Variants in TFDP2 observed in about 807,000 individuals in gnomAD.
The protein encoded by TFDP2 is transcription factor Dp-2 (E2F dimerization partner 2).
Under a neutral mutation model 59.3 loss-of-function variants are expected in TFDP2, and 17 were observed. The ratio of observed to expected loss-of-function variants is 0.29; its 90% CI spans 0.20 to 0.43. The LOEUF is 0.43. Ranked by LOEUF, TFDP2 falls within the 20% of genes least tolerant of loss-of-function variation. The pLI is 1.00. For synonymous variants in TFDP2, 180 were observed against 194.7 expected (o/e 0.92, Z 0.63); for missense variants, 391 against 528.8 (o/e 0.74, Z 2.56).
intron 3 of TFDP2, among the ~76,000 whole-genome samples, chr3:142,092,693 G>A (rs757574422): frequency 4.6e-5 from 7 of 152,210 alleles, no homozygotes; most frequent in East Asian, 3.9e-4. Context: ...ACATACACAC[G>A]TATATAAAAT....
intron 6 of TFDP2, among the ~76,000 whole-genome samples, chr3:141,986,192 C>T (rs77138849): frequency 0.074 from 11,323 of 152,250 alleles, 523 homozygotes; most frequent in Non-Finnish European, 0.11. Context: ...TTATGTAGTC[C>T]TGTCCCATCG....
intron 6 of TFDP2, 26 bp from the exon 7 acceptor site, chr3:141,978,708 C>T (rs530693532): frequency 5.2e-6 from 8 of 1,532,828 alleles, no homozygotes; most frequent in Non-Finnish European, 7.1e-6. Flanking sequence ...GTTTTTTTTA[C>T]TCCATTATAC....
chr3:142,017,545 ATTC>A (rs1384047867), intron 3 of TFDP2, among the ~76,000 whole-genome samples: 4 of 125,018 alleles, frequency 3.2e-5, no homozygotes, highest in South Asian at 2.5e-4. Context: ...ATGCAAAAAT[ATTC>A]TTTTTTTTTT....
At chr3:142,018,802 C>T (rs140317016) in intron 3 of TFDP2, among the ~76,000 whole-genome samples, 1 of 152,136 alleles carries the variant, frequency 6.6e-6, no homozygotes, top group African/African-American at 2.4e-5. Flanking sequence ...AGTATAGTAA[C>T]TCATTTTGGT....
intron 1 of TFDP2, among the ~76,000 whole-genome samples, chr3:142,138,545 T>A (rs1171740352): frequency 6.6e-6 from 1 of 152,202 alleles, no homozygotes; most frequent in Non-Finnish European, 1.5e-5. Flanking sequence ...TTTAAATGTG[T>A]CCCAGAGATT....
chr3:141,997,366 C>T (rs759510299), intron 4 of TFDP2, among the ~76,000 whole-genome samples: 24 of 152,132 alleles, frequency 1.6e-4, no homozygotes, highest in Non-Finnish European at 3.1e-4. Flanking sequence ...CTTGGATGGA[C>T]AACTTATAAA....
Position 141,995,078 on chromosome 3 carries a change from G to T in TFDP2, c.250C>A (p.Pro84Thr). ...GSVLIGSPYT[P>T]APAMVTQTHI... The stretch of plus-strand genomic sequence containing the variant: ...GTCTGAGTAACCATTGCTGGTGCAG[G>T]GGTATATGGACTCCCAATCAGAACA... Residue 84 changes from proline to threonine, a missense_variant, in exon 5 of 13, where the codon CCT (proline) becomes ACT (threonine). Transcript: ENST00000489671. The T allele has an allele frequency of 6.2e-7, 1 of 1,611,176 alleles. No homozygotes were observed. The highest frequency in any genetic ancestry group is 8.5e-7 in the Non-Finnish European group (1 of 1,178,424).
chr3:142,144,369 CAAA>C (rs574504532), intron 1 of TFDP2, among the ~76,000 whole-genome samples: 2 of 124,054 alleles, frequency 1.6e-5, no homozygotes, highest in Non-Finnish European at 1.7e-5. Flanking sequence ...GGCTCTGTCT[CAAA>C]AAAAAAAAAA....
intron 4 of TFDP2, among the ~76,000 whole-genome samples, chr3:141,999,535 G>T (rs777852885): frequency 6.6e-6 from 1 of 152,108 alleles, no homozygotes; most frequent in Non-Finnish European, 1.5e-5. Flanking sequence ...CCATAAGACA[G>T]CCTGTAAGAA....
chr3:141,968,431 T>TATA lies in TFDP2; in HGVS notation c.732+1641_732+1642insTAT, dbSNP rs1319249946. ...ATATATAACATATATATCTCATATA[T>TATA]AGATATATATAACATATATATCTCA... On this transcript the variant is annotated intron_variant, in intron 9 of 12. Coordinates refer to ENST00000489671, the MANE Select transcript of TFDP2 (RefSeq NM_001178139.2). 3.3e-3 allele frequency among the ~76,000 whole-genome samples: 288 copies of TATA among 86,822 alleles called. 42 individuals carry two copies. The highest frequency in any genetic ancestry group is 0.013 in the African/African-American group (271 of 20,080). 57.0% of individuals were successfully genotyped at this position (86,822 alleles called of 152,430 possible).
chr3:142,053,037 T>G (rs1379786836), intron 3 of TFDP2, among the ~76,000 whole-genome samples: 3 of 152,146 alleles, frequency 2.0e-5, no homozygotes, highest in African/African-American at 7.2e-5. Context: ...CTCGATCTCC[T>G]GGCCTCGTGA....
chr3:142,057,155 C>CA (rs2059774321), intron 3 of TFDP2, among the ~76,000 whole-genome samples: 1 of 152,180 alleles, frequency 6.6e-6, no homozygotes, highest in Non-Finnish European at 1.5e-5. Context: ...CTGGGACTGT[C>CA]AGTCATTTGT....
intron 3 of TFDP2, among the ~76,000 whole-genome samples, chr3:142,070,167 A>C (rs1019803701): frequency 2.6e-5 from 4 of 152,220 alleles, no homozygotes; most frequent in African/African-American, 9.6e-5. Flanking sequence ...TCGGCCTCCC[A>C]AAGTGCTGGG....
At chr3:142,007,389 G>C (rs1351828197) in intron 3 of TFDP2, among the ~76,000 whole-genome samples, 1 of 152,046 alleles carries the variant, frequency 6.6e-6, no homozygotes, top group Non-Finnish European at 1.5e-5. Flanking sequence ...ATGATCTTCA[G>C]ATCTTCACTC....
intron 8 of TFDP2, among the ~76,000 whole-genome samples, chr3:141,972,558 C>T (rs981839513): frequency 1.3e-5 from 2 of 152,196 alleles, no homozygotes; most frequent in African/African-American, 2.4e-5. Flanking sequence ...CCTGTCTCAG[C>T]CCATGTGGCA....
intron 1 of TFDP2, among the ~76,000 whole-genome samples, chr3:142,102,643 T>C (rs1171025442): frequency 1.3e-5 from 2 of 152,192 alleles, no homozygotes; most frequent in African/African-American, 4.8e-5. Context: ...AAATACCTAC[T>C]AATTCAAATT....
chr3:142,115,412 G>A (rs546727216), intron 1 of TFDP2, among the ~76,000 whole-genome samples: 3 of 149,392 alleles, frequency 2.0e-5, no homozygotes, highest in Admixed American at 6.7e-5. Context: ...TCCACCTCCC[G>A]GATTCACGCC....
chr3:142,005,261 A>G (rs1469066611), intron 4 of TFDP2, among the ~76,000 whole-genome samples, 180 bp downstream of exon 4: 1 of 151,598 alleles, frequency 6.6e-6, no homozygotes, highest in African/African-American at 2.4e-5. Context: ...CTGGTCTTGA[A>G]CTCCTGGGCT....
chr3:142,030,831 C>T (rs192238073), intron 3 of TFDP2, among the ~76,000 whole-genome samples: 6,007 of 150,048 alleles, frequency 0.04, 415 homozygotes, highest in African/African-American at 0.14. Context: ...CAAGCTCCGC[C>T]TCCCGGGTTC....
Sources: gnomAD v4.1 joint callset for allele counts (sites outside exome capture counted in the v4.1 genomes callset) on GRCh38, gnomAD v4.1.1 for gene constraint, MANE v1.5 for transcripts, NCBI Gene and HGNC (gene_info 2026-07-23, HGNC 2026-07-21) for gene names.